IL1F10: variants seen among roughly 807,000 people sequenced by gnomAD.
IL1F10 encodes the protein interleukin-1 family member 10.
Under a neutral mutation model 13.1 loss-of-function variants are expected in IL1F10, and 13 were observed. The observed-to-expected ratio is 0.99, with a 90% CI of 0.64 to 1.57. The LOEUF (loss-of-function observed/expected upper bound fraction) is 1.57. Ranked by LOEUF, IL1F10 falls within the 40% of genes most tolerant of loss-of-function variation. IL1F10 has a pLI of 0.00. For missense variants in IL1F10, 191 were observed against 184.1 expected (o/e 1.04, Z -0.22); for synonymous variants, 78 against 68.2 (o/e 1.14, Z -0.71).
At chr2:113,075,121 C>A in intron 4 of IL1F10, 31 bp from the exon 5 acceptor site, 1 of 1,565,918 alleles carries the variant, frequency 6.4e-7, no homozygotes, top group South Asian at 1.2e-5. Flanking sequence ...TCAGCACTCT[C>A]ATTCTGCAGC....
rs1242326622 is a variant in IL1F10, at chr2:113,074,416, T to C, written c.118+2T>C. On this transcript the variant is annotated splice_donor_variant, in intron 3 of 4. Coordinates refer to ENST00000341010, the MANE Select transcript of IL1F10 (RefSeq NM_173161.3). LOFTEE classifies it high-confidence loss of function. ...CTGTTGCAGACAACTGCTGTGCAGGTGAGCTTCTGGGGCCTCCACCCCATG... is the reference window on the plus strand; with the variant it reads ...CTGTTGCAGACAACTGCTGTGCAGGCGAGCTTCTGGGGCCTCCACCCCATG... 3 of 1,611,702 alleles carry C rather than the reference T, an allele frequency of 1.9e-6. No individual in the cohort carries two copies. Among genetic ancestry groups the C allele is most frequent in the Non-Finnish European group, 8.5e-7 (1 of 1,178,046 alleles).
At position 113,074,763 on chromosome 2, in the gene IL1F10, C is replaced by A. The variant is rs142329174; in HGVS notation, c.159C>A (p.Thr53=). ...TTCCTAACAGAGGCTTGGCCCGCAC[C>A]AAGGTCCCCATTTTCCTGGGGATCC... ...CILPNRGLAR[T]KVPIFLGIQG... is the part of the protein sequence containing the mutation. Residue 53 remains threonine, a synonymous_variant, in exon 4 of 5, where the codon ACC becomes ACA. Transcript: ENST00000341010. The A allele has an allele frequency of 9.3e-6, 15 of 1,613,688 alleles. No homozygotes were observed. The Admixed American group carries it at 1.5e-4, about 16-fold the overall frequency.
chr2:113,069,453 T>TA (rs1342943832), intron 1 of IL1F10, among the ~76,000 whole-genome samples: 1 of 152,242 alleles, frequency 6.6e-6, no homozygotes, highest in African/African-American at 2.4e-5. Context: ...CTTGATAAGT[T>TA]AGACACTGAG....
intron 1 of IL1F10, among the ~76,000 whole-genome samples, chr2:113,068,320 C>T (rs542779580): frequency 1.0e-3 from 149 of 148,640 alleles, no homozygotes; most frequent in African/African-American, 3.6e-3. Flanking sequence ...TTGGTGGAAG[C>T]TTAAGAGATT....
chr2:113,073,504 G>T (rs764927613), intron 2 of IL1F10, among the ~76,000 whole-genome samples: 5 of 152,208 alleles, frequency 3.3e-5, no homozygotes, highest in Non-Finnish European at 5.9e-5. Flanking sequence ...GCAGATGTCA[G>T]CACTTCAGGG....
intron 1 of IL1F10, among the ~76,000 whole-genome samples, 178 bp downstream of exon 1, chr2:113,068,194 A>G (rs1685774760): frequency 6.6e-6 from 1 of 152,208 alleles, no homozygotes; most frequent in Admixed American, 6.5e-5. Flanking sequence ...ACATAAAGAG[A>G]TTTGAGGAGA....
At chr2:113,068,455 C>T (rs770955326) in intron 1 of IL1F10, among the ~76,000 whole-genome samples, 1 of 151,738 alleles carries the variant, frequency 6.6e-6, no homozygotes, top group African/African-American at 2.4e-5. Flanking sequence ...AAGCAGCTGC[C>T]CTTTATCCTT....
intron 1 of IL1F10, among the ~76,000 whole-genome samples, chr2:113,071,777 C>G (rs1396451130): frequency 6.6e-6 from 1 of 152,142 alleles, no homozygotes; most frequent in African/African-American, 2.4e-5. Context: ...TTCCACCTGC[C>G]TTCTTCCTTT....
intron 4 of IL1F10, 144 bp from the exon 5 acceptor site, chr2:113,075,008 C>G: frequency 1.6e-6 from 2 of 1,222,610 alleles, no homozygotes; most frequent in Non-Finnish European, 2.3e-6. Context: ...CACCAAGACC[C>G]TTGCCCTCTA....
chr2:113,071,440 AAC>A (rs200433693), intron 1 of IL1F10, among the ~76,000 whole-genome samples: 1,783 of 152,368 alleles, frequency 0.012, 13 homozygotes, highest in Middle Eastern at 0.02. Flanking sequence ...GAGTAAGGGA[AAC>A]ACATGCAATC....
In IL1F10 at chr2:113,072,644, C is replaced by G. The variant is rs970912717; in HGVS notation, c.-28-67C>G. 2.7e-6 allele frequency: 3 copies of G among 1,104,794 alleles called. No individual in the cohort carries two copies. The African/African-American group carries it at 4.6e-5, about 17-fold the overall frequency. 68.4% of individuals were successfully genotyped at this position (1,104,794 alleles called of 1,614,324 possible). A position where few individuals can be genotyped will look rare whatever the true frequency, so the allele number is the denominator to read the frequency against. On this transcript the variant is annotated intron_variant, in intron 1 of 4. Transcript: ENST00000341010. ...AGCCCTTGGCTGAGTGGTTCTAAGCCCCAGCACGTCTGCCTCTGGCTTCAC... is the reference window on the plus strand; with the variant it reads ...AGCCCTTGGCTGAGTGGTTCTAAGCGCCAGCACGTCTGCCTCTGGCTTCAC...
chr2:113,072,532 A>C (rs1178554240), intron 1 of IL1F10, 179 bp from the exon 2 acceptor site: 1 of 543,806 alleles, frequency 1.8e-6, no homozygotes, highest in Non-Finnish European at 3.3e-6. Flanking sequence ...AGGGAGAGGC[A>C]GAGCTGCCTG....
At position 113,075,314 on chromosome 2, in the gene IL1F10, G is replaced by A. The variant is rs1228723745; in HGVS notation, c.409G>A (p.Glu137Lys). Residue 137 changes from glutamate (E) to lysine (K), a missense_variant, in exon 5 of 5, where the codon GAG (glutamate) becomes AAG (lysine). Glu to Lys is a moderately conservative substitution (Grantham distance 56). Coordinates refer to ENST00000341010, the MANE Select transcript of IL1F10 (RefSeq NM_173161.3). ...EPQQPVQLTK[E>K]SEPSARTKFY... ...CCAGCAGCCAGTACAGCTCACCAAG[G>A]AGAGTGAGCCCTCAGCCCGTACCAA... The A allele has an allele frequency of 6.2e-7, 1 of 1,602,964 alleles. No homozygotes were observed. The highest frequency in any genetic ancestry group is 8.5e-7 in the Non-Finnish European group (1 of 1,171,086).
chr2:113,072,786 A>G lies in IL1F10; in HGVS notation c.32+16A>G, dbSNP rs754325642. 1.2e-6 allele frequency: 2 copies of G among 1,610,980 alleles called. No individual in the cohort carries two copies. Among genetic ancestry groups the G allele is most frequent in the South Asian group, 1.1e-5 (1 of 90,492 alleles). ...GATACTACATGTAAGTTGTCCTGGC[A>G]TGTCCCTGCTTTCCAAGCCAGGGGG... On this transcript the variant is annotated intron_variant, in intron 2 of 4. Transcript: ENST00000341010.
At chr2:113,074,702 C>T in intron 3 of IL1F10, 21 bp from the exon 4 acceptor site, 1 of 1,613,124 alleles carries the variant, frequency 6.2e-7, no homozygotes, top group Non-Finnish European at 8.5e-7. Context: ...TCCCTTGACT[C>T]TTCTCTCTCT....
At chr2:113,071,233 T>G (rs1685829397) in intron 1 of IL1F10, among the ~76,000 whole-genome samples, 1 of 152,248 alleles carries the variant, frequency 6.6e-6, no homozygotes, top group Admixed American at 6.5e-5. Flanking sequence ...TTGAAAATTT[T>G]TATGTCCTAA....
In IL1F10 at chr2:113,069,953, C is replaced by A. The variant is rs28928279; in HGVS notation, c.-29+1937C>A. On this transcript the variant is annotated intron_variant, in intron 1 of 4. Coordinates refer to ENST00000341010, the MANE Select transcript of IL1F10 (RefSeq NM_173161.3). ...TAATATTGGTCTTGGACAGAACATC[C>A]CACATAGATACTGTGCAGGAGAATG... Among the ~76,000 whole-genome samples, 1,372 of 152,172 alleles carry A rather than the reference C, an allele frequency of 9.0e-3. 23 individuals are homozygous for A. Among genetic ancestry groups the A allele is most frequent in the African/African-American group, 0.032 (1,311 of 41,486 alleles).
In IL1F10 at chr2:113,074,513, G is replaced by A; in HGVS notation, c.118+99G>A. On this transcript the variant is annotated intron_variant, in intron 3 of 4. Transcript: ENST00000341010. ...AGCAGAGGGTCAGCAGCTGCCCCCA[G>A]TGACAGTGAGAAGGGCCAGAGAGCA... 2.7e-6 allele frequency: 3 copies of A among 1,121,590 alleles called. No individual in the cohort carries two copies. The South Asian group carries it at 3.8e-5, about 14-fold the overall frequency. 69.5% of individuals were successfully genotyped at this position (1,121,590 alleles called of 1,614,324 possible). A position where few individuals can be genotyped will look rare whatever the true frequency, so the allele number is the denominator to read the frequency against.
chr2:113,071,576 C>G (rs1685835527), intron 1 of IL1F10, among the ~76,000 whole-genome samples: 1 of 152,158 alleles, frequency 6.6e-6, no homozygotes, highest in Admixed American at 6.5e-5. Flanking sequence ...GGCCTGGGGA[C>G]AGAAAATGAC....
Sources: allele counts gnomAD v4.1 joint callset (sites outside exome capture counted in the v4.1 genomes callset), GRCh38; gene constraint gnomAD v4.1.1; transcripts MANE v1.5; gene names NCBI Gene and HGNC (gene_info 2026-07-23, HGNC 2026-07-21).